The following PDHX variants were observed in gnomAD, a reference collection of about 807,000 sequenced individuals.
PDHX encodes the protein pyruvate dehydrogenase protein X component, mitochondrial.
PDHX carries 33 observed loss-of-function variants against 55.3 expected under a neutral mutation model. The ratio of observed to expected loss-of-function variants is 0.60; its 90% CI spans 0.45 to 0.80. The LOEUF (loss-of-function observed/expected upper bound fraction) is 0.80, where lower values mean the gene tolerates loss of function less well. PDHX is among the 30% of genes least tolerant of loss of function. The probability of loss-of-function intolerance (pLI) is 0.00; values close to 1 mark genes in which losing one functional copy is unlikely to be tolerated. For synonymous variants in PDHX, 226 were observed against 219.4 expected (o/e 1.03, Z -0.27); for missense variants, 622 against 619.9 (o/e 1.00, Z -0.04).
intron 9 of PDHX, among the ~76,000 whole-genome samples, chr11:34,990,862 A>G (rs1049154853): frequency 2.0e-5 from 3 of 152,234 alleles, no homozygotes; most frequent in Non-Finnish European, 2.9e-5. Context: ...TAAATCATCT[A>G]TGAATTAAAG....
At chr11:34,993,721 C>T (rs1237642079) in intron 10 of PDHX, among the ~76,000 whole-genome samples, 1 of 152,140 alleles carries the variant, frequency 6.6e-6, no homozygotes, top group African/African-American at 2.4e-5. Context: ...AGATTGTCTT[C>T]TGGCTTTTCG....
chr11:34,983,240 C>A (rs1855559579), intron 8 of PDHX, among the ~76,000 whole-genome samples: 2 of 152,252 alleles, frequency 1.3e-5, no homozygotes, highest in African/African-American at 4.8e-5. Context: ...ATGCTAAAAA[C>A]TCTCAATAAA....
At chr11:34,931,106 A>G (rs1453299034) in intron 1 of PDHX, among the ~76,000 whole-genome samples, 1 of 151,386 alleles carries the variant, frequency 6.6e-6, no homozygotes, top group Non-Finnish European at 1.5e-5. Context: ...TCCTAAATCA[A>G]TTTTTCTCCT....
intron 1 of PDHX, among the ~76,000 whole-genome samples, chr11:34,924,909 G>A (rs1853983060): frequency 6.6e-6 from 1 of 152,086 alleles, no homozygotes; most frequent in Non-Finnish European, 1.5e-5. Flanking sequence ...TTCTGTGGAT[G>A]ACTGCCGGTC....
chr11:34,932,653 T>C (rs1339924903), intron 2 of PDHX, among the ~76,000 whole-genome samples: 2 of 152,160 alleles, frequency 1.3e-5, no homozygotes, highest in Admixed American at 1.3e-4. Flanking sequence ...TGCTAAATGG[T>C]GTAAATACTA....
At chr11:34,968,662 T>C (rs901767531) in intron 6 of PDHX, among the ~76,000 whole-genome samples, 1 of 152,186 alleles carries the variant, frequency 6.6e-6, no homozygotes. Flanking sequence ...CAAATAGAAA[T>C]AATTGAATTG....
intron 7 of PDHX, among the ~76,000 whole-genome samples, chr11:34,974,306 G>A (rs1405525241): frequency 1.3e-5 from 2 of 152,120 alleles, no homozygotes; most frequent in Non-Finnish European, 2.9e-5. Context: ...TTGGCATTAT[G>A]TCTTCAGGGT....
intron 7 of PDHX, among the ~76,000 whole-genome samples, chr11:34,976,025 A>T (rs529703849): frequency 2.2e-4 from 34 of 152,314 alleles, no homozygotes; most frequent in Non-Finnish European, 4.7e-4. Context: ...TAGTTCTCAG[A>T]TCATACTTGC....
intron 7 of PDHX, among the ~76,000 whole-genome samples, chr11:34,971,187 G>A (rs895052644): frequency 6.6e-6 from 1 of 151,948 alleles, no homozygotes; most frequent in African/African-American, 2.4e-5. Context: ...TATTAAATTT[G>A]TAATATTTCT....
At chr11:34,984,447 TTTTA>T (rs749580955) in intron 8 of PDHX, 119 bp from the exon 9 acceptor site, 4 of 798,384 alleles carry the variant, frequency 5.0e-6, no homozygotes, top group South Asian at 1.6e-5. Context: ...CAAACGAAAT[TTTTA>T]TTTATTTTCT....
rs1416392777 is a variant in PDHX at position 34,957,468 on chromosome 11, A to G, written c.427A>G (p.Ile143Val). 1.2e-6 allele frequency: 2 copies of G among 1,613,744 alleles called. No homozygotes were observed. The highest frequency in any genetic ancestry group is 2.7e-5 in the African/African-American group (2 of 74,898). The change falls in exon 4 of 11, where the codon ATT (isoleucine) becomes GTT (valine). Residue 143 changes from isoleucine to valine, a missense_variant. Coordinates refer to ENST00000227868, the MANE Select transcript of PDHX (RefSeq NM_003477.3). ...AGGAGAAGATTGGAAACATGTTGAA[A>G]TTCCCAAAGACGTAGGTCCTCCACC... ...EEGEDWKHVE[I>V]PKDVGPPPPV...
intron 3 of PDHX, among the ~76,000 whole-genome samples, chr11:34,952,391 A>G (rs1264582751): frequency 1.3e-5 from 2 of 152,220 alleles, no homozygotes; most frequent in Non-Finnish European, 2.9e-5. Flanking sequence ...CAACAAAAAA[A>G]GAGAATTTTA....
intron 8 of PDHX, among the ~76,000 whole-genome samples, chr11:34,980,352 C>CTTGTTTTTTTTTTTTTTTTTT (rs1855481644): frequency 1.3e-5 from 1 of 74,822 alleles, no homozygotes. Flanking sequence ...AAGATAGTTT[C>CTTGTTTTTTTTTTTTTTTTTT]TTTTTTTTTT....
chr11:34,980,951 TTATTA>T (rs1281579604), intron 8 of PDHX, among the ~76,000 whole-genome samples: 1 of 152,158 alleles, frequency 6.6e-6, no homozygotes, highest in Non-Finnish European at 1.5e-5. Flanking sequence ...CAGGGCAAGA[TTATTA>T]ATAGGCAGGG....
intron 9 of PDHX, among the ~76,000 whole-genome samples, chr11:34,990,390 G>A (rs1480666191): frequency 6.6e-6 from 1 of 152,150 alleles, no homozygotes; most frequent in Non-Finnish European, 1.5e-5. Flanking sequence ...ATCCTTCTCA[G>A]ATTCCATACC....
At chr11:34,920,492 A>T (rs1372292796) in intron 1 of PDHX, among the ~76,000 whole-genome samples, 1 of 152,200 alleles carries the variant, frequency 6.6e-6, no homozygotes, top group Admixed American at 6.5e-5. Flanking sequence ...CAGGGAACTG[A>T]CCCACATTGT....
At chr11:34,989,470 G>A (rs1274135103) in intron 9 of PDHX, among the ~76,000 whole-genome samples, 1 of 152,206 alleles carries the variant, frequency 6.6e-6, no homozygotes, top group African/African-American at 2.4e-5. Context: ...ATGTGAGGTT[G>A]TGGTCTTAGC....
intron 2 of PDHX, among the ~76,000 whole-genome samples, chr11:34,932,379 T>TA (rs1297017723): frequency 2.0e-5 from 3 of 152,096 alleles, no homozygotes; most frequent in Non-Finnish European, 4.4e-5. Context: ...TTAATATCCC[T>TA]AAAAAATCGA....
intron 8 of PDHX, among the ~76,000 whole-genome samples, chr11:34,982,896 A>G (rs1855550219): frequency 6.6e-6 from 1 of 152,192 alleles, no homozygotes; most frequent in Non-Finnish European, 1.5e-5. Context: ...CAATAGAAAA[A>G]GAGGGAATCC....
Sources: allele counts gnomAD v4.1 joint callset (sites outside exome capture counted in the v4.1 genomes callset), GRCh38; gene constraint gnomAD v4.1.1; transcripts MANE v1.5; gene names NCBI Gene and HGNC (gene_info 2026-07-23, HGNC 2026-07-21).